Variants in CDH9 observed in about 807,000 individuals in gnomAD.
CDH9 encodes the protein cadherin-9.
A neutral mutation model predicts 70.9 loss-of-function variants in CDH9; 28 were observed. The observed-to-expected ratio is 0.40, with a 90% CI of 0.29 to 0.54. The LOEUF (loss-of-function observed/expected upper bound fraction) is 0.54, where lower values mean the gene tolerates loss of function less well. CDH9 is among the 20% of genes least tolerant of loss of function. The probability of loss-of-function intolerance (pLI) is 0.59; values close to 1 mark genes in which losing one functional copy is unlikely to be tolerated. For synonymous variants in CDH9, 409 were observed against 343.1 expected, an observed-to-expected ratio of 1.19 and a Z score of -2.12; for missense variants, 874 against 984.4, an observed-to-expected ratio of 0.89 and a Z score of 1.50.
chr5:26,974,478 T>C (rs940328345), intron 2 of CDH9, among the ~76,000 whole-genome samples: 9 of 152,138 alleles, frequency 5.9e-5, no homozygotes, highest in African/African-American at 1.4e-4. Context: ...GAGAATGTTA[T>C]AGTCCTGTGC....
At chr5:26,978,989 A>G (rs1381306046) in intron 2 of CDH9, among the ~76,000 whole-genome samples, 4 of 151,790 alleles carry the variant, frequency 2.6e-5, no homozygotes, top group African/African-American at 9.7e-5. Flanking sequence ...CCCACACTAC[A>G]AGTAATGCTG....
chr5:26,967,888 T>C (rs566901794), intron 2 of CDH9, among the ~76,000 whole-genome samples: 1 of 152,116 alleles, frequency 6.6e-6, no homozygotes, highest in South Asian at 2.1e-4. Flanking sequence ...TTTTTTAAAA[T>C]TTTTTGCAGA....
intron 9 of CDH9, among the ~76,000 whole-genome samples, chr5:26,889,096 C>A (rs187277939): frequency 7.9e-5 from 12 of 152,224 alleles, no homozygotes; most frequent in Admixed American, 6.6e-4. Context: ...AGTTTATTTT[C>A]TACCTTAAAG....
Position 26,934,905 on chromosome 5 carries a change from A to C in CDH9, c.229-18981T>G, listed in dbSNP as rs903008022. ...CACATCTTAACCATAGGAAGCCATA[A>C]TTACTCTAATACAAAAATAAAGATA... On this transcript the variant is annotated intron_variant, in intron 2 of 11. Coordinates refer to ENST00000231021, the MANE Select transcript of CDH9 (RefSeq NM_016279.4). 2.7e-5 allele frequency among the ~76,000 whole-genome samples: 4 copies of C among 150,636 alleles called. No individual in the cohort carries two copies. The East Asian group carries it at 7.8e-4, about 29-fold the overall frequency.
rs183430135 is a variant in CDH9, at chr5:26,983,781, C to T, written c.228+4325G>A. 8.5e-5 allele frequency among the ~76,000 whole-genome samples: 13 copies of T among 152,214 alleles called. No homozygotes were observed. The East Asian group carries it at 2.5e-3, about 29-fold the overall frequency. ...TATACTATAACAACTCATCAAAACTCTTTAAATAAATTTGAGATTTTATTT... is the reference window on the plus strand; with the variant it reads ...TATACTATAACAACTCATCAAAACTTTTTAAATAAATTTGAGATTTTATTT... On this transcript the variant is annotated intron_variant, in intron 2 of 11. Coordinates refer to ENST00000231021, the MANE Select transcript of CDH9 (RefSeq NM_016279.4).
intron 1 of CDH9, among the ~76,000 whole-genome samples, chr5:27,019,093 A>C (rs920245465): frequency 1.3e-5 from 2 of 152,002 alleles, no homozygotes; most frequent in African/African-American, 2.4e-5. Context: ...GAGGAATCCC[A>C]AAAAAAGTAG....
intron 2 of CDH9, among the ~76,000 whole-genome samples, chr5:26,966,700 C>T (rs1227674775): frequency 1.3e-5 from 2 of 152,172 alleles, no homozygotes; most frequent in Non-Finnish European, 2.9e-5. Context: ...GAATAACACA[C>T]ATTTATAGCA....
intron 1 of CDH9, among the ~76,000 whole-genome samples, chr5:26,994,200 A>T (rs1427615783): frequency 6.6e-6 from 1 of 152,214 alleles, no homozygotes; most frequent in African/African-American, 2.4e-5. Context: ...TATCTTATTT[A>T]CATGATATTA....
Position 26,906,142 on chromosome 5 carries a change from G to C in CDH9, c.644-16C>G. The C allele has an allele frequency of 6.3e-7, 1 of 1,598,004 alleles. No individual in the cohort carries two copies. The highest frequency in any genetic ancestry group is 2.2e-5 in the East Asian group (1 of 44,656). On this transcript the variant is annotated splice_polypyrimidine_tract_variant and intron_variant, in intron 4 of 11. Coordinates refer to ENST00000231021, the MANE Select transcript of CDH9 (RefSeq NM_016279.4). Reference sequence around the variant, plus strand: ...TTTATTATGCCTTTTGGAAAAAGCAGACAAAAGTTTTGCAATTAAATCGCT... The same window carrying C: ...TTTATTATGCCTTTTGGAAAAAGCACACAAAAGTTTTGCAATTAAATCGCT...
chr5:27,014,561 C>A (rs1237848732), intron 1 of CDH9, among the ~76,000 whole-genome samples: 1 of 151,868 alleles, frequency 6.6e-6, no homozygotes, highest in African/African-American at 2.4e-5. Context: ...GCAGGTGTTT[C>A]CTTTCTAAAA....
intron 2 of CDH9, among the ~76,000 whole-genome samples, chr5:26,964,558 A>C (rs1442460903): frequency 6.6e-6 from 1 of 152,172 alleles, no homozygotes; most frequent in Non-Finnish European, 1.5e-5. Flanking sequence ...GATCATATTT[A>C]TTATATGAAA....
chr5:26,944,985 G>GGGTTGGA (rs1290976017), intron 2 of CDH9, among the ~76,000 whole-genome samples: 2 of 152,172 alleles, frequency 1.3e-5, no homozygotes, highest in East Asian at 3.9e-4. Context: ...TCATCCAGGA[G>GGGTTGGA]GGTTGGATGT....
intron 2 of CDH9, among the ~76,000 whole-genome samples, chr5:26,936,778 A>G (rs761373821): frequency 6.6e-6 from 1 of 152,040 alleles, no homozygotes; most frequent in South Asian, 2.1e-4. Flanking sequence ...ACAAGAAAAG[A>G]CAGTCTTTTC....
intron 2 of CDH9, among the ~76,000 whole-genome samples, chr5:26,962,203 A>G (rs1742048817): frequency 6.6e-6 from 1 of 151,914 alleles, no homozygotes; most frequent in Non-Finnish European, 1.5e-5. Context: ...TATTTGGCAC[A>G]TTTTCTTTAT....
intron 2 of CDH9, among the ~76,000 whole-genome samples, chr5:26,982,448 A>C (rs547792775): frequency 6.6e-6 from 1 of 152,258 alleles, no homozygotes; most frequent in Non-Finnish European, 1.5e-5. Flanking sequence ...ATTTCTATAA[A>C]ATTTTCTCTG....
intron 1 of CDH9, among the ~76,000 whole-genome samples, chr5:27,033,658 A>AT (rs571252430): frequency 6.6e-6 from 1 of 151,444 alleles, no homozygotes; most frequent in Admixed American, 6.6e-5. Flanking sequence ...AAAAAACACA[A>AT]TTTTTTTATG....
Position 26,893,602 on chromosome 5 carries a change from G to T in CDH9, c.1254-3038C>A, listed in dbSNP as rs537745562. Among the ~76,000 whole-genome samples, 6 of 152,004 alleles carry T rather than the reference G, an allele frequency of 3.9e-5. No homozygotes were observed. In the East Asian group the frequency reaches 1.2e-3, roughly 29 times the overall value. On this transcript the variant is annotated intron_variant, in intron 7 of 11. Coordinates refer to ENST00000231021, the MANE Select transcript of CDH9 (RefSeq NM_016279.4). Reference sequence around the variant, plus strand: ...CAAGAGTAGCCTATATTTCTTGGGTGGGAAGTCCTAAGGCTATAAAGGAGA... The same window carrying T: ...CAAGAGTAGCCTATATTTCTTGGGTTGGAAGTCCTAAGGCTATAAAGGAGA...
intron 2 of CDH9, among the ~76,000 whole-genome samples, chr5:26,935,927 G>A (rs1446680394): frequency 6.6e-6 from 1 of 152,096 alleles, no homozygotes; most frequent in Non-Finnish European, 1.5e-5. Context: ...GCCATGACAA[G>A]GAATGAAATA....
chr5:26,904,882 T>A (rs1199314345), intron 5 of CDH9, among the ~76,000 whole-genome samples: 3 of 152,096 alleles, frequency 2.0e-5, no homozygotes, highest in East Asian at 3.9e-4. Flanking sequence ...CTCTTATAGT[T>A]CCAAAGTTTT....
Sources: gnomAD v4.1 joint callset for allele counts (sites outside exome capture counted in the v4.1 genomes callset) on GRCh38, gnomAD v4.1.1 for gene constraint, MANE v1.5 for transcripts, NCBI Gene and HGNC (gene_info 2026-07-23, HGNC 2026-07-21) for gene names.